The following TENM1 variants were observed in gnomAD, a reference collection of about 807,000 sequenced individuals.
TENM1 encodes the protein teneurin-1.
A neutral mutation model predicts 174.8 loss-of-function variants in TENM1; 35 were observed. The ratio of observed to expected loss-of-function variants is 0.20; its 90% CI spans 0.15 to 0.27. The LOEUF is 0.27. TENM1 is among the 10% of genes least tolerant of loss of function. The pLI, the probability that TENM1 is intolerant of heterozygous loss-of-function variation, is 1.00. For synonymous variants in TENM1, 781 were observed against 798.7 expected (o/e 0.98, Z 0.37); for missense variants, 1,633 against 2,130.1 (o/e 0.77, Z 4.59).
At chrX:124,836,465 G>C (rs1270636543) in intron 3 of TENM1, among the ~76,000 whole-genome samples, 1 of 111,889 alleles carries the variant, frequency 8.9e-6, no homozygotes, top group African/African-American at 3.3e-5. Context: ...ATAAAGTCTT[G>C]ATTTTTTAGA....
chrX:125,054,815 G>A, the TENM1 span, among the ~76,000 whole-genome samples: 2 of 111,547 alleles, frequency 1.8e-5, no homozygotes, highest in African/African-American at 6.5e-5. Context: ...ATTTTTCTGT[G>A]CACTGCCTTT....
the TENM1 span, among the ~76,000 whole-genome samples, chrX:125,005,185 TACATAC>T: frequency 1.6e-5 from 1 of 62,210 alleles, no homozygotes; most frequent in Admixed American, 2.3e-4. Flanking sequence ...AAAAGATGTA[TACATAC>T]ACACACACAC....
chrX:124,825,844 T>C (rs1302034187), intron 3 of TENM1, among the ~76,000 whole-genome samples: 3 of 111,525 alleles, frequency 2.7e-5, no homozygotes, highest in African/African-American at 6.5e-5. Flanking sequence ...AGTTTGAAAA[T>C]TATTCAAAGA....
intron 4 of TENM1, among the ~76,000 whole-genome samples, chrX:124,706,946 CTTTTTTTTT>C (rs1190388752): frequency 1.1e-5 from 1 of 88,024 alleles, no homozygotes; most frequent in Non-Finnish European, 2.2e-5. Flanking sequence ...AGTCCTTAAT[CTTTTTTTTT>C]TTTTTTTTTT....
intron 11 of TENM1, among the ~76,000 whole-genome samples, chrX:124,635,811 C>T (rs1400640464): frequency 8.9e-6 from 1 of 112,332 alleles, no homozygotes; most frequent in African/African-American, 3.2e-5. Context: ...AAATGTATTA[C>T]TGAGATTTCA....
chrX:124,665,189 A>T (rs997326409), intron 6 of TENM1, among the ~76,000 whole-genome samples: 1 of 111,221 alleles, frequency 9.0e-6, no homozygotes, highest in African/African-American at 3.3e-5. Context: ...AAAATTACAA[A>T]ATTAGCCTGG....
At chrX:124,860,232 T>C (rs1401957115) in intron 3 of TENM1, among the ~76,000 whole-genome samples, 2 of 112,147 alleles carry the variant, frequency 1.8e-5, no homozygotes, top group Non-Finnish European at 1.9e-5. Flanking sequence ...ACATACCCCA[T>C]GTATGTAATG....
rs145074520 is a variant in TENM1 at position 124,383,620 on chromosome X, A to C, written c.7297+14T>G. 0.03 allele frequency: 36,176 copies of C among 1,187,132 alleles called. 538 individuals carry two copies. The highest frequency in any genetic ancestry group is 0.092 in the South Asian group (4,955 of 53,707). On this transcript the variant is annotated intron_variant, in intron 30 of 31. Coordinates refer to ENST00000422452, the Ensembl canonical transcript of TENM1. ...TACTCAAGTTTAGCTTAAAGTTTTA[A>C]ATAGTTTAAATACCTGTGGTATACT... is the stretch of plus-strand genomic sequence containing the variant.
At chrX:124,676,943 T>C (rs1000941430) in intron 5 of TENM1, among the ~76,000 whole-genome samples, 1 of 109,438 alleles carries the variant, frequency 9.1e-6, no homozygotes, top group African/African-American at 3.3e-5. Flanking sequence ...CTTAGGCCTA[T>C]GCTATCCAAT....
the TENM1 span, among the ~76,000 whole-genome samples, chrX:125,175,771 A>G: frequency 1.8e-5 from 2 of 111,024 alleles, no homozygotes; most frequent in African/African-American, 6.5e-5. Context: ...AAAGGGGTAG[A>G]AGAGGGAAAA....
At chrX:124,654,647 G>C (rs1489660711) in intron 6 of TENM1, among the ~76,000 whole-genome samples, 2 of 111,447 alleles carry the variant, frequency 1.8e-5, no homozygotes, top group Admixed American at 9.6e-5. Context: ...GGAGCAGTTG[G>C]AGTTAGGGCT....
At chrX:125,058,733 T>C in the TENM1 span, among the ~76,000 whole-genome samples, 6 of 110,690 alleles carry the variant, frequency 5.4e-5, no homozygotes, top group African/African-American at 2.0e-4. Flanking sequence ...TACAGGAATA[T>C]TGACAGTGGT....
chrX:124,646,886 C>T, intron 8 of TENM1, 76 bp from the exon 12 acceptor site: 4 of 730,189 alleles, frequency 5.5e-6, no homozygotes, highest in Non-Finnish European at 8.0e-6. Context: ...TTTTAAGTTG[C>T]AGGAACTCTG....
the TENM1 span, among the ~76,000 whole-genome samples, chrX:125,132,388 G>C: frequency 4.5e-5 from 5 of 111,123 alleles, no homozygotes; most frequent in African/African-American, 1.6e-4. Flanking sequence ...TTTAAATTTT[G>C]CCTTTTCTCA....
the TENM1 span, among the ~76,000 whole-genome samples, chrX:125,085,218 T>G: frequency 9.0e-6 from 1 of 111,017 alleles, no homozygotes; most frequent in Admixed American, 9.6e-5. Flanking sequence ...AAATGACAAC[T>G]GAAATCATGT....
intron 3 of TENM1, among the ~76,000 whole-genome samples, chrX:124,802,164 T>C (rs1405894525): frequency 8.9e-6 from 1 of 111,904 alleles, no homozygotes; most frequent in African/African-American, 3.3e-5. Context: ...GGATAGGCAT[T>C]GTGAGCATTT....
the TENM1 span, among the ~76,000 whole-genome samples, chrX:125,026,516 A>C: frequency 1.8e-5 from 2 of 111,943 alleles, no homozygotes; most frequent in African/African-American, 6.5e-5. Flanking sequence ...GAGGCTAAAA[A>C]AGAAGGAAAG....
chrX:124,608,261 T>C (rs1391725510), intron 11 of TENM1, among the ~76,000 whole-genome samples: 2 of 111,484 alleles, frequency 1.8e-5, no homozygotes, highest in Non-Finnish European at 3.8e-5. Flanking sequence ...TCCTAATGCG[T>C]GGGAAGTCCA....
At chrX:125,107,303 C>T in the TENM1 span, among the ~76,000 whole-genome samples, 1 of 112,066 alleles carries the variant, frequency 8.9e-6, no homozygotes, top group African/African-American at 3.2e-5. Flanking sequence ...AAAATGAATA[C>T]AAGCTCAGAT....
Sources: allele counts gnomAD v4.1 joint callset (sites outside exome capture counted in the v4.1 genomes callset), GRCh38; gene constraint gnomAD v4.1.1; transcripts MANE v1.5; gene names NCBI Gene and HGNC (gene_info 2026-07-23, HGNC 2026-07-21).